MYO16: variants seen among roughly 807,000 people sequenced by gnomAD.
MYO16 encodes the protein unconventional myosin-XVI.
MYO16 carries 94 observed loss-of-function variants against 205.3 expected under a neutral mutation model. The ratio of observed to expected loss-of-function variants is 0.46; its 90% CI spans 0.39 to 0.54. The LOEUF is 0.54. MYO16 is among the 20% of genes least tolerant of loss of function. The pLI is 0.00. For synonymous variants in MYO16, 988 were observed against 954.0 expected (o/e 1.04, Z -0.66); for missense variants, 2,315 against 2,387.5 (o/e 0.97, Z 0.63).
chr13:108,670,958 A>G (rs1043899944), intron 2 of MYO16, among the ~76,000 whole-genome samples: 4 of 152,236 alleles, frequency 2.6e-5, no homozygotes, highest in Middle Eastern at 3.2e-3. Context: ...TAATAAATGG[A>G]TAAGTGTATT....
chr13:108,495,829 C>T, the MYO16 span, among the ~76,000 whole-genome samples: 4 of 151,706 alleles, frequency 2.6e-5, no homozygotes, highest in Admixed American at 1.3e-4. Context: ...CAACTGCCGA[C>T]CCCTCTCACC....
At chr13:108,502,557 C>T in the MYO16 span, among the ~76,000 whole-genome samples, 3 of 151,650 alleles carry the variant, frequency 2.0e-5, no homozygotes, top group African/African-American at 4.8e-5. Context: ...ATGTTGAAAA[C>T]ATTTTAATGT....
At chr13:108,950,709 A>G (rs993421209) in intron 16 of MYO16, among the ~76,000 whole-genome samples, 1 of 152,184 alleles carries the variant, frequency 6.6e-6, no homozygotes, top group Non-Finnish European at 1.5e-5. Flanking sequence ...CGACCAAGAG[A>G]AGTGAAGGTG....
At chr13:108,982,036 A>C (rs1447447054) in intron 20 of MYO16, among the ~76,000 whole-genome samples, 1 of 152,246 alleles carries the variant, frequency 6.6e-6, no homozygotes, top group Non-Finnish European at 1.5e-5. Flanking sequence ...GATTGCAGAA[A>C]GATCCAGAAG....
the MYO16 span, among the ~76,000 whole-genome samples, chr13:108,578,667 G>A: frequency 1.4e-4 from 21 of 152,220 alleles, no homozygotes; most frequent in Admixed American, 4.6e-4. Context: ...AAACAACCTG[G>A]CATCCTGGTG....
At chr13:108,504,207 C>T in the MYO16 span, among the ~76,000 whole-genome samples, 22,469 of 151,702 alleles carry the variant, frequency 0.15, 1,972 homozygotes, top group Non-Finnish European at 0.2. Context: ...CTGCAACCTT[C>T]GCCTCCGGGG....
intron 1 of MYO16, among the ~76,000 whole-genome samples, chr13:108,655,900 C>T (rs192473084): frequency 2.8e-4 from 42 of 152,234 alleles, no homozygotes; most frequent in African/African-American, 9.9e-4. Flanking sequence ...TTACCCAATA[C>T]CTGTACTAGC....
intron 1 of MYO16, among the ~76,000 whole-genome samples, chr13:108,620,766 T>G (rs1389703633): frequency 6.6e-6 from 1 of 152,202 alleles, no homozygotes; most frequent in African/African-American, 2.4e-5. Flanking sequence ...TTGGGGGCCT[T>G]GAGTGGCCTC....
intron 9 of MYO16, among the ~76,000 whole-genome samples, chr13:108,837,357 A>G (rs1876984757): frequency 6.6e-6 from 1 of 152,154 alleles, no homozygotes; most frequent in African/African-American, 2.4e-5. Flanking sequence ...CTCAGTCTCA[A>G]GTGTGTCCTT....
intron 4 of MYO16, among the ~76,000 whole-genome samples, chr13:108,765,237 G>A (rs541774313): frequency 1.3e-5 from 2 of 152,188 alleles, no homozygotes; most frequent in East Asian, 1.9e-4. Flanking sequence ...ATGGTATGCA[G>A]TTGCATTATA....
At chr13:109,111,500 A>G (rs551250464) in intron 28 of MYO16, among the ~76,000 whole-genome samples, 147 of 152,374 alleles carry the variant, frequency 9.6e-4, no homozygotes, top group African/African-American at 3.3e-3. Flanking sequence ...GATAGTACAT[A>G]TCCTTTGAAA....
At chr13:108,516,175 G>A in the MYO16 span, among the ~76,000 whole-genome samples, 2 of 152,170 alleles carry the variant, frequency 1.3e-5, no homozygotes, top group East Asian at 1.9e-4. Flanking sequence ...ATATAGTCTC[G>A]TGGTGCGCCA....
chr13:108,594,429 C>G (rs773138127), upstream of MYO16, among the ~76,000 whole-genome samples: 7 of 152,206 alleles, frequency 4.6e-5, no homozygotes, highest in Admixed American at 2.0e-4. Flanking sequence ...CACTCTTTCC[C>G]TCCTTCACAA....
intron 2 of MYO16, among the ~76,000 whole-genome samples, chr13:108,695,314 T>C (rs1385936198): frequency 6.6e-6 from 1 of 152,184 alleles, no homozygotes; most frequent in East Asian, 1.9e-4. Flanking sequence ...GAACCCTTGT[T>C]GAAAATCTGT....
chr13:109,073,108 C>A (rs1594059381), intron 27 of MYO16, among the ~76,000 whole-genome samples: 2 of 148,228 alleles, frequency 1.3e-5, no homozygotes, highest in South Asian at 4.3e-4. Context: ...TATGGAATAT[C>A]TTTTTTTTTT....
At chr13:108,817,007 G>A (rs767563993) in intron 7 of MYO16, among the ~76,000 whole-genome samples, 6 of 152,118 alleles carry the variant, frequency 3.9e-5, no homozygotes, top group African/African-American at 1.4e-4. Flanking sequence ...ATTAACCTAC[G>A]GTGAGATAGT....
the MYO16 span, among the ~76,000 whole-genome samples, chr13:108,568,591 A>G: frequency 6.6e-6 from 1 of 152,128 alleles, no homozygotes; most frequent in Non-Finnish European, 1.5e-5. Flanking sequence ...GCAGACCCTT[A>G]TAAGAAATGC....
chr13:109,201,518 TTCTTTCTATTAATGTA>T (rs1880394349), intron 34 of MYO16: 1 of 140,594 alleles, frequency 7.1e-6, no homozygotes, highest in South Asian at 2.3e-4. Context: ...AAAAATCTTA[TTCTTTCTATTAATGTA>T]AGAGGTTTGA....
chr13:109,015,197 T>C (rs947035712), intron 22 of MYO16, among the ~76,000 whole-genome samples: 2 of 152,202 alleles, frequency 1.3e-5, no homozygotes, highest in African/African-American at 4.8e-5. Context: ...GTTGAAGGCA[T>C]TTTCTGCATC....
Sources: allele counts gnomAD v4.1 joint callset (sites outside exome capture counted in the v4.1 genomes callset), GRCh38; gene constraint gnomAD v4.1.1; transcripts MANE v1.5; gene names NCBI Gene and HGNC (gene_info 2026-07-23, HGNC 2026-07-21).